Variants in BPIFB1 observed in about 807,000 individuals in gnomAD.
BPIFB1 encodes the protein BPI fold containing family B member 1.
In BPIFB1, 34 loss-of-function variants were observed where a neutral mutation model predicts 55.1. That is an observed-to-expected ratio of 0.62 (90% CI 0.47 to 0.82). BPIFB1 has a LOEUF of 0.82. BPIFB1 is among the 40% of genes least tolerant of loss of function. The probability of loss-of-function intolerance (pLI) is 0.00; values close to 1 mark genes in which losing one functional copy is unlikely to be tolerated. For missense variants in BPIFB1, 532 were observed against 593.1 expected (o/e 0.90, Z 1.07); for synonymous variants, 236 against 245.3 (o/e 0.96, Z 0.35).
At chr20:33,287,882 G>A (rs527936647) in intron 2 of BPIFB1, among the ~76,000 whole-genome samples, 2 of 152,290 alleles carry the variant, frequency 1.3e-5, no homozygotes, top group East Asian at 3.9e-4. Context: ...AGCCATGAAG[G>A]GAATCCCCCC....
At chr20:33,285,448 T>G (rs1462558876) in intron 1 of BPIFB1, among the ~76,000 whole-genome samples, 1 of 151,652 alleles carries the variant, frequency 6.6e-6, no homozygotes, top group Non-Finnish European at 1.5e-5. Flanking sequence ...GCGCGGTGGC[T>G]CACGCCTGTA....
At chr20:33,303,711 G>A (rs554116450) in intron 11 of BPIFB1, among the ~76,000 whole-genome samples, 12 of 152,252 alleles carry the variant, frequency 7.9e-5, no homozygotes, top group African/African-American at 2.9e-4. Context: ...GGCTGCTTTC[G>A]TCGTCGTCAT....
chr20:33,303,034 C>T lies in BPIFB1; in HGVS notation c.1100C>T (p.Pro367Leu), dbSNP rs751258296. 1 of 1,614,020 alleles carries T rather than the reference C, an allele frequency of 6.2e-7. No homozygotes were observed. Among genetic ancestry groups the T allele is most frequent in the Admixed American group, 1.7e-5 (1 of 60,022 alleles). ...VAQLIVLEVF[P>L]SSEALRPLFT... ...CAACTGATCGTGCTGGAAGTGTTTC[C>T]CTCCAGTGAAGCCCTCCGCCCTTTG... is the stretch of plus-strand genomic sequence containing the variant. The change falls in exon 11 of 16, where the codon CCC (proline) becomes CTC (leucine). Residue 367 changes from proline (P) to leucine (L), a missense_variant. By Grantham distance (98) the Pro-to-Leu change is moderately conservative. Transcript: ENST00000253354.
At chr20:33,306,708 G>A (rs748504766) in intron 14 of BPIFB1, 21 of 592,044 alleles carry the variant, frequency 3.5e-5, no homozygotes, top group Non-Finnish European at 6.4e-5. Flanking sequence ...TTTTGTGAGG[G>A]GCCAGAAGCC....
At chr20:33,289,701 T>C (rs1980392297) in intron 3 of BPIFB1, among the ~76,000 whole-genome samples, 184 bp from the exon 4 acceptor site, 3 of 151,950 alleles carry the variant, frequency 2.0e-5, no homozygotes. Flanking sequence ...GGCACCATAA[T>C]AGCATTGTGA....
At chr20:33,292,939 T>G (rs568092464) in intron 6 of BPIFB1, among the ~76,000 whole-genome samples, 1 of 152,394 alleles carries the variant, frequency 6.6e-6, no homozygotes, top group South Asian at 2.1e-4. Flanking sequence ...TTGTTTGTTT[T>G]GAGACAGAGT....
rs1203855955 is a variant in BPIFB1, at chr20:33,291,113, G to A, written c.515+7G>A. The A allele has an allele frequency of 3.7e-6, 6 of 1,608,776 alleles. No individual in the cohort carries two copies. The highest frequency in any genetic ancestry group is 5.1e-6 in the Non-Finnish European group (6 of 1,179,914). ...GCATCCAACTGCTGCATAAGTGAGTGTCGCTGGCCACCAGCCGGGCTCCCA... is the reference window on the plus strand; with the variant it reads ...GCATCCAACTGCTGCATAAGTGAGTATCGCTGGCCACCAGCCGGGCTCCCA... On this transcript the variant is annotated splice_region_variant and intron_variant, in intron 5 of 15. Transcript: ENST00000253354.
chr20:33,301,943 AG>A, intron 9 of BPIFB1, among the ~76,000 whole-genome samples: 1 of 152,290 alleles, frequency 6.6e-6, no homozygotes, highest in Non-Finnish European at 1.5e-5. Context: ...AGAGGGGGAA[AG>A]GGTTGGTCCA....
rs1033599957 is a variant in BPIFB1, at chr20:33,301,264, C to A, written c.779C>A (p.Thr260Asn). 1.2e-6 allele frequency: 2 copies of A among 1,614,088 alleles called. No homozygotes were observed. Among genetic ancestry groups the A allele is most frequent in the Admixed American group, 3.3e-5 (2 of 60,004 alleles). The stretch of plus-strand genomic sequence containing the variant: ...TTGTTGGACTCACAGGGAAAGGTGA[C>A]CAAGTGGTTCAATAACTCTGCAGCT... ...AKLLDSQGKV[T>N]KWFNNSAASL... is the part of the protein sequence containing the mutation. The change falls in exon 9 of 16, where the codon ACC (threonine) becomes AAC (asparagine). Residue 260 changes from threonine (T) to asparagine (N), a missense_variant. By Grantham distance (65) the Thr-to-Asn change is moderately conservative (BLOSUM62 0). Coordinates refer to ENST00000253354, the MANE Select transcript of BPIFB1 (RefSeq NM_033197.3).
intron 6 of BPIFB1, among the ~76,000 whole-genome samples, chr20:33,295,846 G>A (rs960843693): frequency 2.0e-4 from 28 of 141,372 alleles, no homozygotes; most frequent in Non-Finnish European, 3.8e-4. Context: ...AAGGGGAAGG[G>A]AAGGAAGGAA....
chr20:33,284,871 T>TTC (rs200193317), intron 1 of BPIFB1, among the ~76,000 whole-genome samples: 11 of 151,976 alleles, frequency 7.2e-5, no homozygotes, highest in Admixed American at 2.0e-4. Flanking sequence ...ACAGGGCCCT[T>TTC]TCTCTCTCTC....
Position 33,301,413 on chromosome 20 carries a change from G to A in BPIFB1, c.927+1G>A, listed in dbSNP as rs1156996837. The A allele has an allele frequency of 6.2e-7, 1 of 1,611,910 alleles. No individual in the cohort carries two copies. The highest frequency in any genetic ancestry group is 8.5e-7 in the Non-Finnish European group (1 of 1,178,772). On this transcript the variant is annotated splice_donor_variant, in intron 9 of 15. Transcript: ENST00000253354. LOFTEE classifies it high-confidence loss of function. ...ATTCATGGTCCTGTTGGACTCTGTG[G>A]TAAACCTCAGCACAAGGCAGAGAAT... is the stretch of plus-strand genomic sequence containing the variant.
intron 11 of BPIFB1, 110 bp from the exon 12 acceptor site, chr20:33,303,848 G>A (rs1600669407): frequency 9.2e-7 from 1 of 1,091,580 alleles, no homozygotes; most frequent in East Asian, 2.4e-5. Flanking sequence ...CTTTGCCAAG[G>A]TCCCAGAGCC....
intron 6 of BPIFB1, 149 bp from the exon 7 acceptor site, chr20:33,297,376 C>G: frequency 1.3e-6 from 1 of 790,248 alleles, no homozygotes; most frequent in Non-Finnish European, 2.1e-6. Flanking sequence ...GTTCAACACA[C>G]GAATGAATCC....
At chr20:33,300,787 C>T (rs1180446238) in intron 8 of BPIFB1, among the ~76,000 whole-genome samples, 1 of 152,106 alleles carries the variant, frequency 6.6e-6, no homozygotes, top group Non-Finnish European at 1.5e-5. Context: ...GGGGTTCCGC[C>T]ATGTTGCCCA....
intron 7 of BPIFB1, 43 bp from the exon 8 acceptor site, chr20:33,299,856 C>T (rs1980788938): frequency 1.9e-6 from 3 of 1,574,016 alleles, no homozygotes; most frequent in Non-Finnish European, 2.6e-6. Flanking sequence ...CCCTCCAATA[C>T]TGCCCTCCAC....
chr20:33,285,716 T>TG (rs1484930162), intron 1 of BPIFB1, among the ~76,000 whole-genome samples: 1 of 94,750 alleles, frequency 1.1e-5, no homozygotes, highest in African/African-American at 7.8e-5. Context: ...AGACTCTGTC[T>TG]CAAAAAAAAA....
At chr20:33,290,936 T>A (rs1216709394) in intron 4 of BPIFB1, 21 bp from the exon 5 acceptor site, 1 of 1,612,106 alleles carries the variant, frequency 6.2e-7, no homozygotes. Context: ...GCTCACATGG[T>A]CAGGTGCCTC....
intron 4 of BPIFB1, among the ~76,000 whole-genome samples, chr20:33,290,453 G>A (rs968222371): frequency 1.3e-5 from 2 of 152,330 alleles, no homozygotes; most frequent in East Asian, 1.9e-4. Context: ...ACCAGGGTTT[G>A]GGGCAGGGAG....
Sources: allele counts gnomAD v4.1 joint callset (sites outside exome capture counted in the v4.1 genomes callset), GRCh38; gene constraint gnomAD v4.1.1; transcripts MANE v1.5; gene names NCBI Gene and HGNC (gene_info 2026-07-23, HGNC 2026-07-21).